YTHDC2: variants seen among roughly 807,000 people sequenced by gnomAD.
YTHDC2 encodes the protein 3'-5' RNA helicase YTHDC2.
YTHDC2 carries 45 observed loss-of-function variants against 174.9 expected under a neutral mutation model. That is an observed-to-expected ratio of 0.26 (90% confidence interval 0.20 to 0.33). YTHDC2 has a LOEUF of 0.33. Ranked by LOEUF, YTHDC2 falls within the 10% of genes least tolerant of loss-of-function variation. The pLI is 1.00. For synonymous variants in YTHDC2, 657 were observed against 574.5 expected (o/e 1.14, Z -2.05); for missense variants, 1,650 against 1,723.7 (o/e 0.96, Z 0.76).
At chr5:113,543,877 A>G (rs1339092660) in intron 10 of YTHDC2, among the ~76,000 whole-genome samples, 1 of 152,168 alleles carries the variant, frequency 6.6e-6, no homozygotes, top group African/African-American at 2.4e-5. Context: ...CCCAATGCCT[A>G]CTTATTTAGG....
At chr5:113,528,935 G>T (rs1355075159) in intron 4 of YTHDC2, among the ~76,000 whole-genome samples, 1 of 151,876 alleles carries the variant, frequency 6.6e-6, no homozygotes, top group Admixed American at 6.6e-5. Flanking sequence ...GGTGGTGGGG[G>T]GTTTGTATGT....
chr5:113,538,789 C>G (rs1460521851), intron 7 of YTHDC2, among the ~76,000 whole-genome samples: 1 of 151,938 alleles, frequency 6.6e-6, no homozygotes, highest in Non-Finnish European at 1.5e-5. Flanking sequence ...GGAAATAGCT[C>G]TGTTTCCTCT....
At chr5:113,545,328 T>C (rs975447685) in intron 10 of YTHDC2, among the ~76,000 whole-genome samples, 2 of 151,672 alleles carry the variant, frequency 1.3e-5, no homozygotes, top group East Asian at 3.9e-4. Context: ...TTGGCTCCTA[T>C]TGATTTATTT....
In YTHDC2 at chr5:113,535,465, A is replaced by G. The variant is rs76576480; in HGVS notation, c.946-177A>G. 3.2e-3 allele frequency among the ~76,000 whole-genome samples: 486 copies of G among 152,256 alleles called. 19 individuals are homozygous for G. In the East Asian group the frequency reaches 0.085, roughly 27 times the overall value. On this transcript the variant is annotated intron_variant, in intron 6 of 29. Coordinates refer to ENST00000161863, the MANE Select transcript of YTHDC2 (RefSeq NM_022828.5). The stretch of plus-strand genomic sequence containing the variant: ...AACTTTACTTTGTCATCTGCATTTC[A>G]TTGTTAATGTCTAATTATTTCTGAA...
In YTHDC2 at chr5:113,561,089, A is replaced by G. The variant is rs1561674139; in HGVS notation, c.2226A>G (p.Arg742=). The part of the protein sequence containing the change: ...SAIQRKGRAG[R]CRPGICFRLF... The stretch of plus-strand genomic sequence containing the variant: ...GTACTTTATTTTTAAGGGCAGGGCG[A>G]TGTAGACCTGGAATTTGTTTTCGTC... Residue 742 remains arginine (R), a synonymous_variant, in exon 18 of 30, where the codon CGA becomes CGG. Transcript: ENST00000161863. 1.2e-6 allele frequency: 2 copies of G among 1,607,862 alleles called. No individual in the cohort carries two copies. Among genetic ancestry groups the G allele is most frequent in the Non-Finnish European group, 8.5e-7 (1 of 1,176,428 alleles).
intron 17 of YTHDC2, among the ~76,000 whole-genome samples, chr5:113,559,620 T>A (rs1423969344): frequency 6.6e-6 from 1 of 152,226 alleles, no homozygotes; most frequent in Admixed American, 6.5e-5. Context: ...ACTGTAGATA[T>A]CACAGTTGGT....
At chr5:113,547,662 A>AC (rs1204548176) in intron 10 of YTHDC2, among the ~76,000 whole-genome samples, 9 of 152,178 alleles carry the variant, frequency 5.9e-5, no homozygotes, top group South Asian at 4.1e-4. Context: ...TGTTCTAAAA[A>AC]AATAGTCTTA....
rs781570791 is a variant in YTHDC2 at position 113,534,423 on chromosome 5, A to G, written c.945+16A>G. The G allele has an allele frequency of 1.9e-6, 3 of 1,601,854 alleles. No individual in the cohort carries two copies. The highest frequency in any genetic ancestry group is 2.2e-5 in the South Asian group (2 of 90,290). ...TGTTATCGTGGTAAGAATATTGCTG[A>G]ATTTGTCATATGTAACTCAGATTGC... On this transcript the variant is annotated intron_variant, in intron 6 of 29. Coordinates refer to ENST00000161863, the MANE Select transcript of YTHDC2 (RefSeq NM_022828.5).
chr5:113,575,222 T>A (rs1777967904), intron 23 of YTHDC2, among the ~76,000 whole-genome samples: 1 of 152,218 alleles, frequency 6.6e-6, no homozygotes, highest in South Asian at 2.1e-4. Flanking sequence ...AAATGTTCCT[T>A]CATAGTTAGA....
At chr5:113,580,173 G>GACTC (rs1318170284) in intron 24 of YTHDC2, among the ~76,000 whole-genome samples, 1 of 152,086 alleles carries the variant, frequency 6.6e-6, no homozygotes, top group Non-Finnish European at 1.5e-5. Flanking sequence ...GAGCCCTCAT[G>GACTC]ACTCAATCAC....
intron 4 of YTHDC2, among the ~76,000 whole-genome samples, chr5:113,532,561 A>G (rs752905197): frequency 1.3e-5 from 2 of 152,192 alleles, no homozygotes; most frequent in Admixed American, 1.3e-4. Context: ...ATCCCCATCC[A>G]TGAATATGGC....
intron 4 of YTHDC2, 24 bp downstream of exon 4, chr5:113,526,809 T>C (rs767705974): frequency 1.5e-6 from 1 of 667,512 alleles, no homozygotes; most frequent in South Asian, 6.0e-5. Context: ...TTGTTGTTTA[T>C]AGAAAAAAAA....
At chr5:113,527,045 A>G (rs893048365) in intron 4 of YTHDC2, among the ~76,000 whole-genome samples, 3 of 152,236 alleles carry the variant, frequency 2.0e-5, no homozygotes, top group African/African-American at 7.2e-5. Flanking sequence ...TTATTTAAAC[A>G]GAGTTGGGAA....
Position 113,542,355 on chromosome 5 carries a change from C to G in YTHDC2, c.1360-13C>G. The G allele has an allele frequency of 1.2e-6, 2 of 1,600,956 alleles. No homozygotes were observed. The highest frequency in any genetic ancestry group is 2.7e-5 in the African/African-American group (2 of 74,278). The stretch of plus-strand genomic sequence containing the variant: ...AATTTATGATAATTTATGATTTTTA[C>G]TGTTTTTTGTAGACTGAAAAAGATG... On this transcript the variant is annotated splice_polypyrimidine_tract_variant and intron_variant, in intron 9 of 29. Transcript: ENST00000161863.
At chr5:113,538,740 T>C (rs960200104) in intron 7 of YTHDC2, among the ~76,000 whole-genome samples, 22 of 152,170 alleles carry the variant, frequency 1.4e-4, no homozygotes, top group African/African-American at 5.1e-4. Flanking sequence ...ATTTTTGGAT[T>C]GATTTCTGTC....
chr5:113,574,693 G>T (rs576859310), intron 23 of YTHDC2, among the ~76,000 whole-genome samples: 1 of 152,206 alleles, frequency 6.6e-6, no homozygotes, highest in South Asian at 2.1e-4. Flanking sequence ...TGCCATGGAA[G>T]TGGATCCCAC....
chr5:113,537,342 T>C (rs1208908482), intron 7 of YTHDC2, among the ~76,000 whole-genome samples: 1 of 149,740 alleles, frequency 6.7e-6, no homozygotes, highest in Non-Finnish European at 1.5e-5. Context: ...TGTGGTATGT[T>C]TTATGGTTGG....
At chr5:113,514,478 A>G (rs1414379125) in intron 1 of YTHDC2, among the ~76,000 whole-genome samples, 2 of 152,216 alleles carry the variant, frequency 1.3e-5, no homozygotes, top group East Asian at 1.9e-4. Flanking sequence ...AAACATATAA[A>G]TAAATGCACC....
chr5:113,534,632 G>A (rs1774928736), intron 6 of YTHDC2, among the ~76,000 whole-genome samples: 1 of 151,846 alleles, frequency 6.6e-6, no homozygotes, highest in Non-Finnish European at 1.5e-5. Flanking sequence ...AAAGCCATTA[G>A]GCTTTATTGA....
Sources: gnomAD v4.1 joint callset for allele counts (sites outside exome capture counted in the v4.1 genomes callset) on GRCh38, gnomAD v4.1.1 for gene constraint, MANE v1.5 for transcripts, NCBI Gene and HGNC (gene_info 2026-07-23, HGNC 2026-07-21) for gene names.